The following MUC12 variants were observed in gnomAD, a reference collection of about 807,000 sequenced individuals.
The protein encoded by MUC12 is mucin 12, cell surface associated.
Under a neutral mutation model 230.8 loss-of-function variants are expected in MUC12, and 172 were observed. The ratio of observed to expected loss-of-function variants is 0.75; its 90% CI spans 0.66 to 0.85. The LOEUF is 0.85. MUC12 is among the 40% of genes least tolerant of loss of function. The pLI, the probability that MUC12 is intolerant of heterozygous loss-of-function variation, is 0.00. For missense variants in MUC12, 3,506 were observed against 5,920.6 expected, an observed-to-expected ratio of 0.59 and a Z score of 13.38; for synonymous variants, 1,259 against 2,401.9, an observed-to-expected ratio of 0.52 and a Z score of 13.91.
chr7:100,969,695 T>G lies in MUC12; in HGVS notation c.67+6T>G, dbSNP rs1792806964. 6.5e-7 allele frequency: 1 copy of G among 1,537,328 alleles called. No individual in the cohort carries two copies. Among genetic ancestry groups the G allele is most frequent in the Non-Finnish European group, 8.7e-7 (1 of 1,146,862 alleles). ...CGTTACTACAGTGACACCAGGTGAG[T>G]GCTCCTGGGCTGATGCTCCAGGTCC... is the stretch of plus-strand genomic sequence containing the variant. On this transcript the variant is annotated splice_donor_region_variant and intron_variant, in intron 1 of 11. Coordinates refer to ENST00000536621, the MANE Select transcript of MUC12 (RefSeq NM_001164462.2).
At chr7:100,989,513 T>C (rs1166463087) in intron 1 of MUC12, among the ~76,000 whole-genome samples, 1 of 152,076 alleles carries the variant, frequency 6.6e-6, no homozygotes, top group African/African-American at 2.4e-5. Flanking sequence ...GGAACGCGTG[T>C]GGGGGCATTT....
rs1320961023 is a variant in MUC12, at chr7:100,992,905, T to C, written c.2342T>C (p.Val781Ala). The change falls in exon 2 of 12, where the codon GTC becomes GCC. Residue 781 changes from valine to alanine, a missense_variant. Val to Ala is a moderately conservative substitution (Grantham distance 64, BLOSUM62 0). Coordinates refer to ENST00000536621, the MANE Select transcript of MUC12 (RefSeq NM_001164462.2). Reference protein sequence around the residue: ...HSSQDATGTIVLPARSTTSVL... With the variant: ...HSSQDATGTIALPARSTTSVL... ...AGCCAAGACGCAACGGGAACAATAG[T>C]CCTACCTGCCCGCTCCACAACCTCA... 4 of 1,536,022 alleles carry C rather than the reference T, an allele frequency of 2.6e-6. No homozygotes were observed. The highest frequency in any genetic ancestry group is 3.5e-6 in the Non-Finnish European group (4 of 1,146,804).
chr7:101,004,779 C>T lies in MUC12; in HGVS notation c.14216C>T (p.Thr4739Ile), dbSNP rs778906496. 3 of 1,537,790 alleles carry T rather than the reference C, an allele frequency of 2.0e-6. 1 individual carries two copies. Among genetic ancestry groups the T allele is most frequent in the South Asian group, 2.4e-5 (2 of 84,056 alleles). Residue 4739 changes from threonine (T) to isoleucine (I), a missense_variant, in exon 2 of 12, where the codon ACC (threonine) becomes ATC (isoleucine). Transcript: ENST00000536621. Reference sequence around the variant, plus strand: ...ACACCAGGCCTCAGTGCAAAATCTACCATCCTTTACAGTAGCTCCAGATCA... The same window carrying T: ...ACACCAGGCCTCAGTGCAAAATCTATCATCCTTTACAGTAGCTCCAGATCA... ...ATTPGLSAKS[T>I]ILYSSSRSPD...
chr7:100,987,285 T>C (rs1793206437), intron 1 of MUC12, among the ~76,000 whole-genome samples: 1 of 152,148 alleles, frequency 6.6e-6, no homozygotes, highest in African/African-American at 2.4e-5. Context: ...CAGGCTGGTC[T>C]TGGACTCCTG....
intron 1 of MUC12, among the ~76,000 whole-genome samples, chr7:100,971,563 C>A (rs1792898559): frequency 0.065 from 3 of 46 alleles, no homozygotes; most frequent in South Asian, 0.21. Flanking sequence ...CCTCCTTTAC[C>A]CCCACCCGGA....
Position 101,009,168 on chromosome 7 carries a change from A to G in MUC12, c.15251+9A>G, listed in dbSNP as rs1435343196. 6.5e-7 allele frequency: 1 copy of G among 1,537,280 alleles called. No homozygotes were observed. Among genetic ancestry groups the G allele is most frequent in the East Asian group, 2.4e-5 (1 of 40,904 alleles). On this transcript the variant is annotated intron_variant, in intron 5 of 11. Transcript: ENST00000536621. The stretch of plus-strand genomic sequence containing the variant: ...AACATTCGGAGATTGCTGTGAGTAT[A>G]TTGGGGGGCAGGTTTATAGATGTGG...
intron 1 of MUC12, among the ~76,000 whole-genome samples, chr7:100,989,542 G>T (rs1793245912): frequency 6.6e-6 from 1 of 152,128 alleles, no homozygotes; most frequent in Non-Finnish European, 1.5e-5. Flanking sequence ...ACAACCTTCT[G>T]CTGGAATTGA....
rs1488164052 is a variant in MUC12 at position 100,983,607 on chromosome 7, G to A, written c.68-7024G>A. Among the ~76,000 whole-genome samples, 6 of 152,158 alleles carry A rather than the reference G, an allele frequency of 3.9e-5. No individual in the cohort carries two copies. The East Asian group carries it at 9.6e-4, about 24-fold the overall frequency. On this transcript the variant is annotated intron_variant, in intron 1 of 11. Transcript: ENST00000536621. ...GGGCAGAAATGTTCTCTACCCTCAC[G>A]GAGTTCACAGCCTACAAGGGCAAAG...
Position 101,006,471 on chromosome 7 carries a change from G to A in MUC12, c.14957G>A (p.Gly4986Glu). The change falls in exon 3 of 12, where the codon GGG becomes GAG. Residue 4986 changes from glycine (G) to glutamate (E), a missense_variant and splice_region_variant. Transcript: ENST00000536621. The stretch of plus-strand genomic sequence containing the variant: ...TGCTGTGGATTCTATCTCTCCACAG[G>A]GTTGTGCCAGGAAGGACAAATTTGG... ...STESLETLAP[G>E]LCQEGQIWNG... The A allele has an allele frequency of 1.3e-6, 2 of 1,536,492 alleles. No homozygotes were observed. Among genetic ancestry groups the A allele is most frequent in the Non-Finnish European group, 1.7e-6 (2 of 1,146,298 alleles).
At chr7:100,982,156 C>A (rs1393863076) in intron 1 of MUC12, among the ~76,000 whole-genome samples, 1 of 151,762 alleles carries the variant, frequency 6.6e-6, no homozygotes, top group Non-Finnish European at 1.5e-5. Flanking sequence ...CGTGAGCCAC[C>A]GTGCCCAGCC....
intron 5 of MUC12, 137 bp downstream of exon 5, chr7:101,009,296 G>A: frequency 5.9e-6 from 5 of 847,312 alleles, no homozygotes; most frequent in Non-Finnish European, 9.4e-6. Context: ...AGGGAACACT[G>A]GGGGCTGTGA....
At chr7:100,973,092 G>A in intron 1 of MUC12, 1 of 546,146 alleles carries the variant, frequency 1.8e-6, no homozygotes, top group Non-Finnish European at 3.2e-6. Context: ...AAGATATTTA[G>A]ACATCACAGG....
intron 5 of MUC12, among the ~76,000 whole-genome samples, chr7:101,010,901 C>T (rs1336987172): frequency 2.0e-5 from 3 of 152,132 alleles, no homozygotes; most frequent in Non-Finnish European, 4.4e-5. Context: ...CCTCCCGCCT[C>T]GGCCTCCCAA....
chr7:100,989,139 C>A (rs1296446924), intron 1 of MUC12, among the ~76,000 whole-genome samples: 2 of 139,594 alleles, frequency 1.4e-5, no homozygotes, highest in Non-Finnish European at 3.0e-5. Flanking sequence ...CTCACTCTGT[C>A]ACCCAGGCTG....
chr7:100,974,378 C>T (rs1189045809), intron 1 of MUC12, among the ~76,000 whole-genome samples: 3 of 139,282 alleles, frequency 2.2e-5, no homozygotes, highest in Non-Finnish European at 4.7e-5. Flanking sequence ...CACACATCCC[C>T]ACCACCCCTT....
chr7:100,994,128 T>G lies in MUC12; in HGVS notation c.3565T>G (p.Phe1189Val). Residue 1189 changes from phenylalanine to valine, a missense_variant, in exon 2 of 12, where the codon TTC becomes GTC. Phe to Val is a conservative substitution (Grantham distance 50). Transcript: ENST00000536621. ...AGTTCATGGTGAAGAGCCTACAACC[T>G]TCCACAGCCGGCCAGCCTCAACTCA... ...TSVHGEEPTT[F>V]HSRPASTHTT... is the part of the protein sequence containing the mutation. 9.7e-7 allele frequency: 1 copy of G among 1,030,454 alleles called. No individual in the cohort carries two copies. The highest frequency in any genetic ancestry group is 1.3e-6 in the Non-Finnish European group (1 of 761,808). The allele number at this position is 1,030,454 out of a possible 1,614,324, so 63.8% of individuals were successfully genotyped here.
At chr7:100,973,323 G>T (rs1405095089) in intron 1 of MUC12, among the ~76,000 whole-genome samples, 2 of 152,136 alleles carry the variant, frequency 1.3e-5, no homozygotes, top group Non-Finnish European at 2.9e-5. Flanking sequence ...GCCTCTTTTT[G>T]CTGGATGACA....
Position 100,991,962 on chromosome 7 carries a change from C to T in MUC12, c.1399C>T (p.Pro467Ser), listed in dbSNP as rs1488129720. The part of the protein sequence containing the change: ...TPSVLVGDST[P>S]SPISSGSMET... Reference sequence around the variant, plus strand: ...CTCAGTTCTTGTTGGAGACTCGACGCCCTCACCCATCAGTTCAGGCTCAAT... The same window carrying T: ...CTCAGTTCTTGTTGGAGACTCGACGTCCTCACCCATCAGTTCAGGCTCAAT... The change falls in exon 2 of 12, where the codon CCC (proline) becomes TCC (serine). Residue 467 changes from proline to serine, a missense_variant. Pro to Ser is a moderately conservative substitution (Grantham distance 74). Transcript: ENST00000536621. The T allele has an allele frequency of 2.6e-6, 4 of 1,537,880 alleles. No individual in the cohort carries two copies. Among genetic ancestry groups the T allele is most frequent in the East Asian group, 2.4e-5 (1 of 40,926 alleles).
In MUC12 at chr7:100,990,989, T is replaced by C; in HGVS notation, c.426T>C (p.Ser142=). ...GTGAGAAATCTACCACCTTCTACAGTAGCCCCAGATCACCAGACAGAACAC... is the reference window on the plus strand; with the variant it reads ...GTGAGAAATCTACCACCTTCTACAGCAGCCCCAGATCACCAGACAGAACAC... ...GLSEKSTTFY[S]SPRSPDRTLS... is the part of the protein sequence containing the mutation. Residue 142 remains serine (S), a synonymous_variant, in exon 2 of 12, where the codon AGT becomes AGC. Coordinates refer to ENST00000536621, the MANE Select transcript of MUC12 (RefSeq NM_001164462.2). 2.0e-6 allele frequency: 3 copies of C among 1,537,598 alleles called. No homozygotes were observed. Among genetic ancestry groups the C allele is most frequent in the Non-Finnish European group, 2.6e-6 (3 of 1,146,978 alleles).
Sources: gnomAD v4.1 joint callset for allele counts (sites outside exome capture counted in the v4.1 genomes callset) on GRCh38, gnomAD v4.1.1 for gene constraint, MANE v1.5 for transcripts, NCBI Gene and HGNC (gene_info 2026-07-23, HGNC 2026-07-21) for gene names.